The following PTPRT variants were observed in gnomAD, a reference collection of about 807,000 sequenced individuals.
PTPRT encodes protein tyrosine phosphatase receptor type T, also known as receptor-type tyrosine-protein phosphatase T.
In PTPRT, 56 loss-of-function variants were observed where a neutral mutation model predicts 176.8. The ratio of observed to expected loss-of-function variants is 0.32; its 90% CI spans 0.26 to 0.40. The LOEUF (loss-of-function observed/expected upper bound fraction) is 0.40. Ranked by LOEUF, PTPRT falls within the 10% of genes least tolerant of loss-of-function variation. The probability of loss-of-function intolerance (pLI) is 1.00; values close to 1 mark genes in which losing one functional copy is unlikely to be tolerated. For missense variants in PTPRT, 1,540 were observed against 1,908.2 expected, an observed-to-expected ratio of 0.81 and a Z score of 3.60; for synonymous variants, 783 against 739.0, an observed-to-expected ratio of 1.06 and a Z score of -0.96.
the PTPRT span, chr20:42,063,922 T>G: frequency 6.6e-6 from 1 of 152,084 alleles, no homozygotes; most frequent in Non-Finnish European, 1.5e-5. Flanking sequence ...ATATGAACAC[T>G]TCAGTTCTTA....
intron 7 of PTPRT, among the ~76,000 whole-genome samples, chr20:42,656,419 T>C (rs1225386356): frequency 6.6e-6 from 1 of 152,044 alleles, no homozygotes; most frequent in Non-Finnish European, 1.5e-5. Flanking sequence ...TGATAAGAAA[T>C]AAAAGCCATT....
chr20:42,386,958 C>T (rs1453495453), intron 9 of PTPRT, among the ~76,000 whole-genome samples: 1 of 152,162 alleles, frequency 6.6e-6, no homozygotes, highest in African/African-American at 2.4e-5. Flanking sequence ...ATAGCTGAGA[C>T]CAAATGTGAC....
chr20:42,219,698 A>C (rs2055841325), intron 15 of PTPRT, among the ~76,000 whole-genome samples: 1 of 152,220 alleles, frequency 6.6e-6, no homozygotes, highest in African/African-American at 2.4e-5. Context: ...TGTAGGAAAA[A>C]GAAGACCAGA....
chr20:43,138,829 T>G (rs941830159), intron 1 of PTPRT, among the ~76,000 whole-genome samples: 15 of 152,060 alleles, frequency 9.9e-5, no homozygotes, highest in African/African-American at 3.4e-4. Context: ...ATCAAATGAT[T>G]TTGTCAACAT....
At chr20:42,230,105 T>C (rs543356896) in intron 15 of PTPRT, among the ~76,000 whole-genome samples, 1 of 152,266 alleles carries the variant, frequency 6.6e-6, no homozygotes, top group East Asian at 1.9e-4. Context: ...GAGAGAATCA[T>C]GAGAGACTTC....
chr20:42,819,650 G>A (rs566714785), intron 2 of PTPRT, among the ~76,000 whole-genome samples: 273 of 152,074 alleles, frequency 1.8e-3, no homozygotes, highest in African/African-American at 6.4e-3. Flanking sequence ...CTGTATTCAG[G>A]AGACCCAACT....
At chr20:43,071,266 T>C (rs1389850985) in intron 1 of PTPRT, among the ~76,000 whole-genome samples, 1 of 152,184 alleles carries the variant, frequency 6.6e-6, no homozygotes, top group Admixed American at 6.5e-5. Flanking sequence ...ACAACATTAG[T>C]ATCACCTGGG....
At chr20:42,257,697 T>C (rs890330888) in intron 13 of PTPRT, among the ~76,000 whole-genome samples, 1 of 130,576 alleles carries the variant, frequency 7.7e-6, no homozygotes, top group African/African-American at 2.9e-5. Flanking sequence ...CCATGTAAGA[T>C]GCCTGCTGCC....
intron 2 of PTPRT, among the ~76,000 whole-genome samples, chr20:42,832,476 AC>A (rs991359940): frequency 1.8e-4 from 28 of 152,082 alleles, no homozygotes; most frequent in African/African-American, 6.8e-4. Flanking sequence ...TATATAACAA[AC>A]CTGCACACAT....
intron 7 of PTPRT, among the ~76,000 whole-genome samples, chr20:42,502,630 G>C (rs1005047821): frequency 1.3e-5 from 2 of 151,920 alleles, no homozygotes; most frequent in African/African-American, 2.4e-5. Flanking sequence ...CATTTTTACT[G>C]TCTTACAAGA....
intron 7 of PTPRT, among the ~76,000 whole-genome samples, chr20:42,657,060 A>G (rs1277585069): frequency 6.6e-6 from 1 of 152,014 alleles, no homozygotes; most frequent in African/African-American, 2.4e-5. Flanking sequence ...GGTTGCCCCC[A>G]TCCTGTTCTT....
intron 13 of PTPRT, among the ~76,000 whole-genome samples, chr20:42,259,851 A>G (rs1441866389): frequency 6.6e-6 from 1 of 152,208 alleles, no homozygotes; most frequent in East Asian, 1.9e-4. Context: ...GCCCATGGCC[A>G]TGAAAATAAC....
Position 42,363,727 on chromosome 20 carries a change from T to C in PTPRT, c.1561-11442A>G, listed in dbSNP as rs114579495. Among the ~76,000 whole-genome samples the C allele has an allele frequency of 1.4e-3, 220 of 152,276 alleles. 1 individual carries two copies. The highest frequency in any genetic ancestry group is 4.9e-3 in the African/African-American group (204 of 41,556). ...TAATCATCCCACAAGTTTATGAGGC[T>C]ACTACCGTTACTATTCCCACTTTGC... On this transcript the variant is annotated intron_variant, in intron 9 of 30. Coordinates refer to ENST00000373187, the MANE Select transcript of PTPRT (RefSeq NM_007050.6).
At chr20:42,432,079 G>GAACT (rs2059220115) in intron 9 of PTPRT, among the ~76,000 whole-genome samples, 1 of 152,160 alleles carries the variant, frequency 6.6e-6, no homozygotes, top group African/African-American at 2.4e-5. Flanking sequence ...GGAGAGAGTA[G>GAACT]AACTAACTCT....
At chr20:42,408,576 C>G (rs2058982882) in intron 9 of PTPRT, among the ~76,000 whole-genome samples, 1 of 149,006 alleles carries the variant, frequency 6.7e-6, no homozygotes, top group Admixed American at 6.8e-5. Flanking sequence ...AGATAGGAAA[C>G]TGGACCTTTT....
chr20:42,307,236 T>C (rs957371928), intron 12 of PTPRT, among the ~76,000 whole-genome samples: 2 of 152,204 alleles, frequency 1.3e-5, no homozygotes, highest in African/African-American at 2.4e-5. Flanking sequence ...TGCACCACTT[T>C]GTATGGAAAC....
chr20:42,182,030 G>C (rs1287673471), intron 16 of PTPRT, among the ~76,000 whole-genome samples: 2 of 152,162 alleles, frequency 1.3e-5, no homozygotes, highest in East Asian at 1.9e-4. Context: ...GACTGTTCTG[G>C]AAAGAGCAAA....
At chr20:42,101,518 G>GC (rs1355626429) in intron 26 of PTPRT, among the ~76,000 whole-genome samples, 2 of 152,192 alleles carry the variant, frequency 1.3e-5, no homozygotes, top group Non-Finnish European at 2.9e-5. Context: ...GTAGGGTGAA[G>GC]CCCCTTCCTG....
chr20:42,345,969 A>G (rs1036528095), intron 11 of PTPRT, among the ~76,000 whole-genome samples: 3 of 152,180 alleles, frequency 2.0e-5, no homozygotes, highest in African/African-American at 7.2e-5. Context: ...AATTTTAAGC[A>G]GGAAAGTTAA....
Sources: allele counts gnomAD v4.1 joint callset (sites outside exome capture counted in the v4.1 genomes callset), GRCh38; gene constraint gnomAD v4.1.1; transcripts MANE v1.5; gene names NCBI Gene and HGNC (gene_info 2026-07-23, HGNC 2026-07-21).